UBR4: variants seen among roughly 807,000 people sequenced by gnomAD.
UBR4 encodes the protein ubiquitin protein ligase E3 component n-recognin 4, also known as E3 ubiquitin-protein ligase UBR4.
In UBR4, 124 loss-of-function variants were observed where a neutral mutation model predicts 575.6. The ratio of observed to expected loss-of-function variants is 0.22; its 90% CI spans 0.19 to 0.25. UBR4 has a LOEUF of 0.25. Among genes scored for constraint, UBR4 ranks in the 10% least tolerant of loss-of-function variants. The probability of loss-of-function intolerance (pLI) is 1.00; values close to 1 mark genes in which losing one functional copy is unlikely to be tolerated. For missense variants in UBR4, 4,818 were observed against 6,478.8 expected, an observed-to-expected ratio of 0.74 and a Z score of 8.80; for synonymous variants, 2,455 against 2,473.7, an observed-to-expected ratio of 0.99 and a Z score of 0.22.
intron 78 of UBR4, 57 bp downstream of exon 78, chr1:19,112,467 A>G (rs2080009658): frequency 1.3e-6 from 2 of 1,543,134 alleles, no homozygotes; most frequent in Non-Finnish European, 1.8e-6. Context: ...CGCTCCTGGC[A>G]TGGCTGCCAG....
chr1:19,090,117 T>A (rs1037720269), intron 97 of UBR4, among the ~76,000 whole-genome samples: 1 of 152,226 alleles, frequency 6.6e-6, no homozygotes, highest in African/African-American at 2.4e-5. Flanking sequence ...GGCACCACCA[T>A]TCACCTCATC....
Position 19,110,361 on chromosome 1 carries a change from T to G in UBR4, c.11977+19A>C. The G allele has an allele frequency of 5.6e-6, 9 of 1,613,980 alleles. No homozygotes were observed. Among genetic ancestry groups the G allele is most frequent in the Non-Finnish European group, 7.6e-6 (9 of 1,179,938 alleles). ...TCCTTTGAGCCTCCTTTCCTTTCTC[T>G]GAAAATCCCCTAACTCACCACAGCG... On this transcript the variant is annotated intron_variant, in intron 80 of 105. Transcript: ENST00000375254. The surrounding 1 kb of genome is among the most constrained non-coding windows in gnomAD (Gnocchi z 4.5).
intron 104 of UBR4, 69 bp from the exon 105 acceptor site, chr1:19,076,971 G>A: frequency 6.7e-7 from 1 of 1,496,066 alleles, no homozygotes; most frequent in Non-Finnish European, 9.0e-7. Context: ...CCTCAAGTCA[G>A]TCAGGCCATT....
At chr1:19,104,974 A>G in intron 85 of UBR4, 74 bp downstream of exon 85, 1 of 1,536,916 alleles carries the variant, frequency 6.5e-7, no homozygotes, top group South Asian at 1.3e-5. Flanking sequence ...CAAACAAAAC[A>G]CCATAGTAGA....
rs755425776 is a variant in UBR4 at position 19,173,398 on chromosome 1, A to T, written c.3165+41T>A. 1.4e-5 allele frequency: 23 copies of T among 1,612,660 alleles called. No individual in the cohort carries two copies. The East Asian group carries it at 4.7e-4, about 33-fold the overall frequency. The stretch of plus-strand genomic sequence containing the variant: ...TTAAAAGCTCCAGTAAGCACAAAGC[A>T]CTTTGGCTTTGAATAGTCTTAGCAG... On this transcript the variant is annotated intron_variant, in intron 23 of 105. Coordinates refer to ENST00000375254, the MANE Select transcript of UBR4 (RefSeq NM_020765.3).
chr1:19,171,050 A>G (rs2089460808), intron 25 of UBR4, among the ~76,000 whole-genome samples, 167 bp from the exon 26 acceptor site: 1 of 152,144 alleles, frequency 6.6e-6, no homozygotes, highest in Admixed American at 6.5e-5. Flanking sequence ...ATGGGTAATC[A>G]TTTCCCAAAG....
At position 19,100,469 on chromosome 1, in the gene UBR4, C is replaced by T; in HGVS notation, c.13128G>A (p.Glu4376=). ...CCCTCATCAGCGGCCCGATGCCTGGCTCATTGCTGCTATACGGGTTCCCAG... is the reference window on the plus strand; with the variant it reads ...CCCTCATCAGCGGCCCGATGCCTGGTTCATTGCTGCTATACGGGTTCCCAG... ...RMPGNPYSSN[E]PGIGPLMRDI... Residue 4376 remains glutamate (E), a synonymous_variant, in exon 89 of 106, where the codon GAG becomes GAA. Transcript: ENST00000375254. The surrounding 1 kb of genome is among the most constrained non-coding windows in gnomAD (Gnocchi z 4.2). 3 of 1,614,158 alleles carry T rather than the reference C, an allele frequency of 1.9e-6. No homozygotes were observed. In the South Asian group the frequency reaches 3.3e-5, roughly 18 times the overall value.
rs901337609 is a variant in UBR4, at chr1:19,198,943, A to G, written c.379-15T>C. 5 of 1,608,514 alleles carry G rather than the reference A, an allele frequency of 3.1e-6. No individual in the cohort carries two copies. The highest frequency in any genetic ancestry group is 3.4e-6 in the Non-Finnish European group (4 of 1,178,232). On this transcript the variant is annotated splice_polypyrimidine_tract_variant and intron_variant, in intron 3 of 105. Coordinates refer to ENST00000375254, the MANE Select transcript of UBR4 (RefSeq NM_020765.3). Reference sequence around the variant, plus strand: ...ATCAAGTGTTTCTGAAAAGAAAACAAATGCAAACAAAAGAAAACAAAAACA... The same window carrying G: ...ATCAAGTGTTTCTGAAAAGAAAACAGATGCAAACAAAAGAAAACAAAAACA...
chr1:19,136,338 C>T (rs1254759189), intron 60 of UBR4, among the ~76,000 whole-genome samples: 1 of 152,090 alleles, frequency 6.6e-6, no homozygotes, highest in Non-Finnish European at 1.5e-5. Context: ...TTTAAGAAGA[C>T]ATTAAAAAAG....
intron 84 of UBR4, among the ~76,000 whole-genome samples, 171 bp downstream of exon 84, chr1:19,105,562 G>A (rs1378177298): frequency 1.3e-5 from 2 of 152,066 alleles, no homozygotes; most frequent in African/African-American, 2.4e-5. Context: ...TCACCACAAC[G>A]ACCACCACCA....
Position 19,156,773 on chromosome 1 carries a change from C to T in UBR4, c.5913G>A (p.Gly1971=). The T allele has an allele frequency of 6.2e-7, 1 of 1,613,224 alleles. No individual in the cohort carries two copies. Among genetic ancestry groups the T allele is most frequent in the Non-Finnish European group, 8.5e-7 (1 of 1,179,392 alleles). The part of the protein sequence containing the change: ...PCKEDYLAVC[G]LKDCHVLTFS... Reference sequence around the variant, plus strand: ...CCTAGATCCGGATTTTTACCTTTAGCCCACAAACCGCCAAGTAGTCTTCCT... The same window carrying T: ...CCTAGATCCGGATTTTTACCTTTAGTCCACAAACCGCCAAGTAGTCTTCCT... Residue 1971 remains glycine, a synonymous_variant, in exon 41 of 106, where the codon GGG becomes GGA. Coordinates refer to ENST00000375254, the MANE Select transcript of UBR4 (RefSeq NM_020765.3).
At chr1:19,149,895 G>A (rs193106641) in intron 49 of UBR4, 13 of 948,122 alleles carry the variant, frequency 1.4e-5, no homozygotes, top group East Asian at 1.3e-4. Context: ...ATAGGGCATC[G>A]GGGAAAAAGA....
chr1:19,105,633 G>C, intron 84 of UBR4, 100 bp downstream of exon 84: 2 of 889,802 alleles, frequency 2.2e-6, no homozygotes, highest in South Asian at 4.1e-5. Flanking sequence ...TCTACCCAGA[G>C]GTGTGCCTCT....
At chr1:19,167,510 T>G (rs2088707513) in intron 28 of UBR4, among the ~76,000 whole-genome samples, 1 of 152,220 alleles carries the variant, frequency 6.6e-6, no homozygotes, top group Non-Finnish European at 1.5e-5. Flanking sequence ...TTTTATAATA[T>G]TCAACAAAGA....
chr1:19,125,014 G>GA (rs888465812), intron 64 of UBR4, among the ~76,000 whole-genome samples: 91 of 145,432 alleles, frequency 6.3e-4, no homozygotes, highest in East Asian at 3.4e-3. Flanking sequence ...AAAAAAATTG[G>GA]AAAAAAAAAA....
rs759535228 is a variant in UBR4, at chr1:19,145,924, T to A, written c.7814A>T (p.Asp2605Val). The A allele has an allele frequency of 3.7e-6, 6 of 1,613,966 alleles. No individual in the cohort carries two copies. Among genetic ancestry groups the A allele is most frequent in the Non-Finnish European group, 5.1e-6 (6 of 1,179,962 alleles). Residue 2605 changes from aspartate (D) to valine (V), a missense_variant, in exon 53 of 106, where the codon GAT (aspartate) becomes GTT (valine). By Grantham distance (152) the Asp-to-Val change is radical (BLOSUM62 -3). This residue lies in a region of UBR4 where 340 missense variants were observed against 375.4 expected (regional missense o/e 0.91). Coordinates refer to ENST00000375254, the MANE Select transcript of UBR4 (RefSeq NM_020765.3). ...KLPQMETEGM[D>V]EGKEPQKQLE... Reference sequence around the variant, plus strand: ...CTGCTTCTGCGGTTCCTTCCCTTCATCCATTCCTTCTAAGCAGGAGAAAGA... The same window carrying A: ...CTGCTTCTGCGGTTCCTTCCCTTCAACCATTCCTTCTAAGCAGGAGAAAGA...
intron 1 of UBR4, among the ~76,000 whole-genome samples, chr1:19,206,347 T>C (rs1254447644): frequency 6.6e-6 from 1 of 152,056 alleles, no homozygotes; most frequent in Non-Finnish European, 1.5e-5. Context: ...TCTTTTTTTT[T>C]TTTTAGATGG....
intron 29 of UBR4, among the ~76,000 whole-genome samples, chr1:19,166,375 C>T (rs545049812): frequency 6.5e-4 from 99 of 152,282 alleles, no homozygotes; most frequent in African/African-American, 2.2e-3. Flanking sequence ...TCAGTGAGCT[C>T]CTCTGTCCAT....
intron 58 of UBR4, 62 bp downstream of exon 58, chr1:19,140,726 A>C: frequency 6.7e-7 from 1 of 1,495,216 alleles, no homozygotes; most frequent in South Asian, 1.2e-5. Context: ...CTCTCACAGC[A>C]GTGGAAACAA....
Sources: gnomAD v4.1 joint callset for allele counts (sites outside exome capture counted in the v4.1 genomes callset) on GRCh38, gnomAD v4.1.1 for gene constraint, gnomAD v4.1.1 regional missense constraint, Gnocchi (gnomAD v3.1) non-coding constraint, MANE v1.5 for transcripts, NCBI Gene and HGNC (gene_info 2026-07-23, HGNC 2026-07-21) for gene names.